DCTD: variants seen among roughly 807,000 people sequenced by gnomAD.
DCTD encodes the protein deoxycytidylate deaminase.
In DCTD, 23 loss-of-function variants were observed where a neutral mutation model predicts 21.0. The observed-to-expected ratio is 1.09, with a 90% CI of 0.79 to 1.55. The LOEUF (loss-of-function observed/expected upper bound fraction) is 1.55. Among genes scored for constraint, DCTD ranks in the 40% most tolerant of loss-of-function variants. The pLI, the probability that DCTD is intolerant of heterozygous loss-of-function variation, is 0.00. For synonymous variants in DCTD, 71 were observed against 81.1 expected (o/e 0.88, Z 0.67); for missense variants, 224 against 230.0 (o/e 0.97, Z 0.17).
chr4:182,912,102 G>A (rs946196015), intron 3 of DCTD, among the ~76,000 whole-genome samples: 1 of 149,206 alleles, frequency 6.7e-6, no homozygotes, highest in African/African-American at 2.5e-5. Context: ...ACTCCAGGCA[G>A]TATCCCCTTA....
chr4:182,904,830 C>T (rs1736382268), intron 3 of DCTD, among the ~76,000 whole-genome samples: 1 of 152,132 alleles, frequency 6.6e-6, no homozygotes, highest in South Asian at 2.1e-4. Flanking sequence ...TGCTGTCCTC[C>T]CACCTCCCCT....
At chr4:182,913,564 A>G (rs1738103857) in intron 3 of DCTD, among the ~76,000 whole-genome samples, 1 of 152,254 alleles carries the variant, frequency 6.6e-6, no homozygotes, top group South Asian at 2.1e-4. Flanking sequence ...TCTTCATGAG[A>G]AAAACCCAGA....
intron 1 of DCTD, chr4:182,916,378 A>C (rs985893538): frequency 1.0e-6 from 1 of 985,514 alleles, no homozygotes; most frequent in Non-Finnish European, 1.2e-6. Flanking sequence ...GGAATGAAAC[A>C]AGGGCAAGGA....
chr4:182,916,773 G>A, intron 1 of DCTD: 1 of 1,125,560 alleles, frequency 8.9e-7, no homozygotes, highest in Non-Finnish European at 1.1e-6. Flanking sequence ...AAGAGCAGGA[G>A]AGGGAAGGGT....
At chr4:182,894,704 T>A in intron 3 of DCTD, 99 bp from the exon 4 acceptor site, 1 of 778,696 alleles carries the variant, frequency 1.3e-6, no homozygotes, top group Non-Finnish European at 2.3e-6. Flanking sequence ...AAATAACATA[T>A]AACAGACTCA....
At chr4:182,904,056 TTC>T (rs1355903571) in intron 3 of DCTD, among the ~76,000 whole-genome samples, 20 of 152,054 alleles carry the variant, frequency 1.3e-4, no homozygotes, top group Middle Eastern at 6.8e-3. Flanking sequence ...GAATACCCAT[TTC>T]TTTTTCCCTC....
intron 3 of DCTD, among the ~76,000 whole-genome samples, chr4:182,902,790 C>A (rs1735980990): frequency 6.6e-6 from 1 of 152,194 alleles, no homozygotes; most frequent in South Asian, 2.1e-4. Flanking sequence ...ACCAGCTGGG[C>A]TGCGATGCCC....
At chr4:182,905,527 C>T (rs976324963) in intron 3 of DCTD, among the ~76,000 whole-genome samples, 3 of 152,174 alleles carry the variant, frequency 2.0e-5, no homozygotes, top group Admixed American at 1.3e-4. Flanking sequence ...CGGGGTTTCA[C>T]CATGTTGGCC....
At chr4:182,906,521 C>A (rs572746135) in intron 3 of DCTD, among the ~76,000 whole-genome samples, 1 of 152,244 alleles carries the variant, frequency 6.6e-6, no homozygotes, top group Admixed American at 6.5e-5. Flanking sequence ...AAAACTCCAA[C>A]GCATTATAAA....
intron 1 of DCTD, chr4:182,916,867 C>A (rs1432109056): frequency 1.9e-6 from 2 of 1,026,682 alleles, no homozygotes; most frequent in African/African-American, 1.7e-5. Flanking sequence ...GCTGTAGAAA[C>A]AGAGAGAACT....
chr4:182,914,706 A>G (rs1266883913), intron 3 of DCTD, among the ~76,000 whole-genome samples: 1 of 152,180 alleles, frequency 6.6e-6, no homozygotes, highest in Non-Finnish European at 1.5e-5. Flanking sequence ...AGAGCCCTGG[A>G]TCTCAGGGCC....
At position 182,893,068 on chromosome 4, in the gene DCTD, C is replaced by T. The variant is rs1294563556; in HGVS notation, c.421G>A (p.Ala141Thr). The T allele has an allele frequency of 6.2e-7, 1 of 1,613,226 alleles. No homozygotes were observed. Among genetic ancestry groups the T allele is most frequent in the South Asian group, 1.1e-5 (1 of 90,910 alleles). ...KYHDSDEATAARLLFNMAGVT... is the reference protein window; with the variant it reads ...KYHDSDEATATRLLFNMAGVT... ...CCGGCCATATTAAACAGGAGCCTCG[C>T]AGCAGTTGCCTCGTCACTATCATGG... is the stretch of plus-strand genomic sequence containing the variant. Residue 141 changes from alanine (A) to threonine (T), a missense_variant, in exon 5 of 6, where the codon GCG becomes ACG. Ala to Thr is a moderately conservative substitution (Grantham distance 58, BLOSUM62 0). Coordinates refer to ENST00000438320, the MANE Select transcript of DCTD (RefSeq NM_001921.3).
At chr4:182,902,969 A>C (rs1393303489) in intron 3 of DCTD, among the ~76,000 whole-genome samples, 1 of 152,252 alleles carries the variant, frequency 6.6e-6, no homozygotes, top group Non-Finnish European at 1.5e-5. Flanking sequence ...TATGTGGATT[A>C]CAAATGTTTT....
intron 3 of DCTD, among the ~76,000 whole-genome samples, chr4:182,913,514 T>A (rs545968351): frequency 1.2e-4 from 19 of 152,334 alleles, no homozygotes; most frequent in Admixed American, 7.8e-4. Context: ...CCAGGAACAT[T>A]AGTAAAAATA....
At chr4:182,914,319 T>A (rs2152864667) in intron 3 of DCTD, among the ~76,000 whole-genome samples, 1 of 152,352 alleles carries the variant, frequency 6.6e-6, no homozygotes, top group Admixed American at 6.5e-5. Flanking sequence ...CACTTCTGGC[T>A]TTTGGTCTGA....
intron 3 of DCTD, among the ~76,000 whole-genome samples, chr4:182,912,625 T>C (rs565403808): frequency 1.3e-5 from 2 of 152,312 alleles, no homozygotes; most frequent in South Asian, 4.1e-4. Flanking sequence ...AAATTCCTTC[T>C]AGAAAGGGGC....
chr4:182,915,737 T>C (rs72553963), intron 1 of DCTD, 162 bp from the exon 2 acceptor site: 4 of 722,588 alleles, frequency 5.5e-6, no homozygotes, highest in South Asian at 4.5e-5. Flanking sequence ...AAACAGTCTC[T>C]GGTCTTAAGT....
chr4:182,914,848 T>G, intron 3 of DCTD, 75 bp downstream of exon 3: 4 of 1,565,762 alleles, frequency 2.6e-6, no homozygotes, highest in Non-Finnish European at 2.6e-6. Context: ...AGATGATGCC[T>G]TCTGACCAAC....
chr4:182,914,354 C>T (rs999556463), intron 3 of DCTD, among the ~76,000 whole-genome samples: 4 of 152,240 alleles, frequency 2.6e-5, no homozygotes, highest in African/African-American at 9.6e-5. Context: ...GAAATTGCAG[C>T]ATCCCCTGTA....
Sources: gnomAD v4.1 joint callset for allele counts (sites outside exome capture counted in the v4.1 genomes callset) on GRCh38, gnomAD v4.1.1 for gene constraint, MANE v1.5 for transcripts, NCBI Gene and HGNC (gene_info 2026-07-23, HGNC 2026-07-21) for gene names.